ROR1: variants seen among roughly 807,000 people sequenced by gnomAD.
ROR1 encodes ROR family WNT receptor 1, also known as inactive tyrosine-protein kinase transmembrane receptor ROR1.
In ROR1, 19 loss-of-function variants were observed where a neutral mutation model predicts 78.8. The observed-to-expected ratio is 0.24, with a 90% CI of 0.17 to 0.35. The LOEUF is 0.35. ROR1 is among the 10% of genes least tolerant of loss of function. The probability of loss-of-function intolerance (pLI) is 1.00; values close to 1 mark genes in which losing one functional copy is unlikely to be tolerated. For missense variants in ROR1, 917 were observed against 1,177.8 expected (o/e 0.78, Z 3.24); for synonymous variants, 386 against 433.6 (o/e 0.89, Z 1.36).
intron 1 of ROR1, among the ~76,000 whole-genome samples, chr1:63,839,851 G>A (rs554028780): frequency 2.6e-5 from 4 of 151,526 alleles, no homozygotes; most frequent in Admixed American, 6.6e-5. Context: ...TGGATATTTA[G>A]GGTATTTCAT....
At chr1:63,792,559 A>T (rs1644733476) in intron 1 of ROR1, among the ~76,000 whole-genome samples, 1 of 152,208 alleles carries the variant, frequency 6.6e-6, no homozygotes, top group African/African-American at 2.4e-5. Context: ...CTAGGGCAAG[A>T]TGTTTCACCT....
At position 64,177,514 on chromosome 1, in the gene ROR1, T is replaced by C; in HGVS notation, c.1473T>C (p.His491=). ...ECAFGKIYKG[H]LYLPGMDHAQ... Reference sequence around the variant, plus strand: ...CCTTTGGAAAAATCTATAAAGGCCATCTCTATCTCCCAGGCATGGACCATG... The same window carrying C: ...CCTTTGGAAAAATCTATAAAGGCCACCTCTATCTCCCAGGCATGGACCATG... The change falls in exon 9 of 9, where the codon CAT becomes CAC. Residue 491 remains histidine (H), a synonymous_variant. Coordinates refer to ENST00000371079, the MANE Select transcript of ROR1 (RefSeq NM_005012.4). The C allele has an allele frequency of 6.2e-7, 1 of 1,614,126 alleles. No homozygotes were observed. Among genetic ancestry groups the C allele is most frequent in the Non-Finnish European group, 8.5e-7 (1 of 1,180,016 alleles).
intron 1 of ROR1, among the ~76,000 whole-genome samples, chr1:63,791,310 G>T (rs1224287788): frequency 6.6e-6 from 1 of 152,092 alleles, no homozygotes; most frequent in Non-Finnish European, 1.5e-5. Context: ...CTGTTAGAGT[G>T]CTGGAGACAG....
chr1:63,949,607 C>G (rs1189659422), intron 1 of ROR1, among the ~76,000 whole-genome samples: 3 of 152,174 alleles, frequency 2.0e-5, no homozygotes, highest in Non-Finnish European at 2.9e-5. Context: ...CTTCACTCCT[C>G]CAGGAGCTGG....
intron 1 of ROR1, among the ~76,000 whole-genome samples, chr1:63,913,789 T>C (rs924137074): frequency 2.6e-5 from 4 of 152,146 alleles, no homozygotes; most frequent in Admixed American, 2.0e-4. Context: ...AAGACAATAA[T>C]AAACTCGGGA....
At chr1:63,898,570 G>A (rs1437131660) in intron 1 of ROR1, among the ~76,000 whole-genome samples, 1 of 151,294 alleles carries the variant, frequency 6.6e-6, no homozygotes, top group Non-Finnish European at 1.5e-5. Context: ...AAGAAAGAAG[G>A]AAGGAAGGAA....
At chr1:63,855,175 T>G (rs934737552) in intron 1 of ROR1, among the ~76,000 whole-genome samples, 2 of 152,182 alleles carry the variant, frequency 1.3e-5, no homozygotes, top group Non-Finnish European at 2.9e-5. Flanking sequence ...GTTCTTAACC[T>G]GACCTCCCAA....
intron 2 of ROR1, among the ~76,000 whole-genome samples, chr1:64,047,391 G>A (rs1646792548): frequency 6.6e-6 from 1 of 152,132 alleles, no homozygotes; most frequent in Non-Finnish European, 1.5e-5. Flanking sequence ...CTCAGATGGA[G>A]CCCTGTTTAT....
chr1:63,894,356 G>A (rs1383886175), intron 1 of ROR1, among the ~76,000 whole-genome samples: 1 of 152,186 alleles, frequency 6.6e-6, no homozygotes, highest in Non-Finnish European at 1.5e-5. Context: ...CAAAACTACA[G>A]ATAAGGGGGG....
chr1:63,856,218 C>A (rs887426559), intron 1 of ROR1, among the ~76,000 whole-genome samples: 1 of 151,808 alleles, frequency 6.6e-6, no homozygotes, highest in Non-Finnish European at 1.5e-5. Flanking sequence ...TATTTTTGAA[C>A]TTTGTTCTGG....
At chr1:63,863,766 GTA>G (rs1645197274) in intron 1 of ROR1, among the ~76,000 whole-genome samples, 1 of 149,936 alleles carries the variant, frequency 6.7e-6, no homozygotes, top group African/African-American at 2.5e-5. Flanking sequence ...GTATTGTATT[GTA>G]TTGTATTGTA....
At chr1:64,000,426 C>A (rs1646373553) in intron 1 of ROR1, among the ~76,000 whole-genome samples, 1 of 152,140 alleles carries the variant, frequency 6.6e-6, no homozygotes, top group African/African-American at 2.4e-5. Context: ...CATTGAGTCT[C>A]CAGTGGCACC....
At chr1:64,122,871 A>G (rs1648591037) in intron 4 of ROR1, among the ~76,000 whole-genome samples, 1 of 152,190 alleles carries the variant, frequency 6.6e-6, no homozygotes, top group South Asian at 2.1e-4. Flanking sequence ...CCCTGATGAC[A>G]TCTGGTGTCC....
At chr1:64,105,504 G>A (rs561625728) in intron 4 of ROR1, 2 of 152,138 alleles carry the variant, frequency 1.3e-5, no homozygotes, top group South Asian at 2.1e-4. Context: ...AATTGCTTTT[G>A]GCGTTTTCAT....
intron 1 of ROR1, among the ~76,000 whole-genome samples, chr1:63,822,465 A>ATG (rs775987010): frequency 6.8e-6 from 1 of 146,602 alleles, no homozygotes; most frequent in Admixed American, 6.7e-5. Context: ...TAAACATGTG[A>ATG]TGTGTTTGTT....
intron 1 of ROR1, among the ~76,000 whole-genome samples, chr1:64,006,353 A>G (rs1456942268): frequency 2.0e-5 from 3 of 152,136 alleles, no homozygotes; most frequent in Admixed American, 2.0e-4. Context: ...GAGCCTTTTC[A>G]TAGGTGAACC....
chr1:64,137,298 C>A, intron 4 of ROR1, 71 bp from the exon 5 acceptor site: 1 of 1,557,038 alleles, frequency 6.4e-7, no homozygotes, highest in South Asian at 1.2e-5. Flanking sequence ...TAGGGTATCG[C>A]GCAGTCAGAG....
intron 1 of ROR1, among the ~76,000 whole-genome samples, chr1:63,815,762 C>T (rs1024678977): frequency 6.6e-6 from 1 of 152,010 alleles, no homozygotes; most frequent in Non-Finnish European, 1.5e-5. Flanking sequence ...GGTTCTTGTT[C>T]AGGGGTGAGT....
intron 2 of ROR1, chr1:64,029,013 T>G (rs1646638668): frequency 6.6e-6 from 1 of 152,226 alleles, no homozygotes; most frequent in Non-Finnish European, 1.5e-5. Context: ...GAGGAATTTT[T>G]AAGGTGTATT....
Sources: gnomAD v4.1 joint callset for allele counts (sites outside exome capture counted in the v4.1 genomes callset) on GRCh38, gnomAD v4.1.1 for gene constraint, MANE v1.5 for transcripts, NCBI Gene and HGNC (gene_info 2026-07-23, HGNC 2026-07-21) for gene names.